The following PRKAR2B variants were observed in gnomAD, a reference collection of about 807,000 sequenced individuals.
The protein encoded by PRKAR2B is protein kinase cAMP-dependent type II regulatory subunit beta, also known as cAMP-dependent protein kinase type II-beta regulatory subunit.
PRKAR2B carries 14 observed loss-of-function variants against 49.9 expected under a neutral mutation model. The observed-to-expected ratio is 0.28, with a 90% confidence interval of 0.19 to 0.44. The LOEUF is 0.44. PRKAR2B is among the 20% of genes least tolerant of loss of function. The pLI, the probability that PRKAR2B is intolerant of heterozygous loss-of-function variation, is 1.00. For missense variants in PRKAR2B, 393 were observed against 537.9 expected, an observed-to-expected ratio of 0.73 and a Z score of 2.67; for synonymous variants, 196 against 197.7, an observed-to-expected ratio of 0.99 and a Z score of 0.07.
At chr7:107,090,782 C>T (rs1177702938) in intron 2 of PRKAR2B, among the ~76,000 whole-genome samples, 1 of 152,182 alleles carries the variant, frequency 6.6e-6, no homozygotes, top group African/African-American at 2.4e-5. Context: ...TTGGATGTGT[C>T]TTTTTCTGTT....
intron 2 of PRKAR2B, chr7:107,078,201 CAAAA>C (rs66861003): frequency 6.8e-5 from 8 of 117,000 alleles, no homozygotes; most frequent in African/African-American, 1.4e-4. Context: ...GATACTCCAT[CAAAA>C]AAAAAAAAAA....
chr7:107,094,241 T>C (rs1794792880), intron 2 of PRKAR2B, among the ~76,000 whole-genome samples: 1 of 152,212 alleles, frequency 6.6e-6, no homozygotes, highest in Non-Finnish European at 1.5e-5. Context: ...GTGGTTTTGA[T>C]TTGCATTTCT....
chr7:107,088,800 A>G (rs1794668239), intron 2 of PRKAR2B, among the ~76,000 whole-genome samples: 4 of 152,046 alleles, frequency 2.6e-5, no homozygotes, highest in Admixed American at 2.6e-4. Flanking sequence ...TGGTTTTGCC[A>G]TGTTGGCCAG....
intron 3 of PRKAR2B, among the ~76,000 whole-genome samples, chr7:107,123,605 T>G (rs1192127930): frequency 6.6e-6 from 1 of 152,208 alleles, no homozygotes; most frequent in Non-Finnish European, 1.5e-5. Flanking sequence ...CCCATCTCTA[T>G]TACTGTGTCT....
intron 1 of PRKAR2B, among the ~76,000 whole-genome samples, chr7:107,056,769 A>G (rs1297806143): frequency 3.9e-5 from 6 of 152,224 alleles, no homozygotes; most frequent in African/African-American, 1.4e-4. Flanking sequence ...GTTTTACATT[A>G]CTGTATTTTA....
intron 2 of PRKAR2B, among the ~76,000 whole-genome samples, chr7:107,111,596 A>G (rs904744097): frequency 6.6e-6 from 1 of 152,220 alleles, no homozygotes; most frequent in African/African-American, 2.4e-5. Context: ...CTGGTAATCC[A>G]GATAGTTCTT....
chr7:107,050,628 A>G (rs1475253173), intron 1 of PRKAR2B, among the ~76,000 whole-genome samples: 1 of 152,088 alleles, frequency 6.6e-6, no homozygotes, highest in Non-Finnish European at 1.5e-5. Context: ...AAAGTCCTAC[A>G]GTGGAGGTTG....
At chr7:107,133,255 A>G (rs1795633658) in intron 4 of PRKAR2B, among the ~76,000 whole-genome samples, 1 of 152,172 alleles carries the variant, frequency 6.6e-6, no homozygotes. Context: ...TTTTATCAGG[A>G]ATTGCCTTTT....
chr7:107,087,368 A>G (rs1184737471), intron 2 of PRKAR2B, among the ~76,000 whole-genome samples: 4 of 152,198 alleles, frequency 2.6e-5, no homozygotes, highest in African/African-American at 9.7e-5. Flanking sequence ...CTTGGGTTCC[A>G]TTTTGCATAC....
In PRKAR2B at chr7:107,106,577, C is replaced by T. The variant is rs1329899517; in HGVS notation, c.344-15375C>T. Among the ~76,000 whole-genome samples, 4 of 152,200 alleles carry T rather than the reference C, an allele frequency of 2.6e-5. No individual in the cohort carries two copies. The East Asian group carries it at 5.8e-4, about 22-fold the overall frequency. On this transcript the variant is annotated intron_variant, in intron 2 of 10. Coordinates refer to ENST00000265717, the MANE Select transcript of PRKAR2B (RefSeq NM_002736.3). ...ATAGAAAAAGGTACATGTTTGTGGA[C>T]TCTCCCTCCATCTCCATCAGCTACC...
chr7:107,071,243 C>G (rs903757810), intron 2 of PRKAR2B, among the ~76,000 whole-genome samples: 2 of 152,070 alleles, frequency 1.3e-5, no homozygotes, highest in African/African-American at 4.8e-5. Context: ...ACAAATGGGT[C>G]ATTTATTTCA....
chr7:107,079,420 A>T (rs1168698960), intron 2 of PRKAR2B: 1 of 151,946 alleles, frequency 6.6e-6, no homozygotes, highest in African/African-American at 2.4e-5. Context: ...AAGATTGCAC[A>T]TTTATCTAAA....
chr7:107,065,785 G>C (rs1453225681), intron 1 of PRKAR2B, among the ~76,000 whole-genome samples: 1 of 152,206 alleles, frequency 6.6e-6, no homozygotes, highest in African/African-American at 2.4e-5. Context: ...CAGGCACTGT[G>C]ATAGGCATTG....
chr7:107,065,286 GT>G (rs550872230), intron 1 of PRKAR2B, among the ~76,000 whole-genome samples: 172 of 150,932 alleles, frequency 1.1e-3, no homozygotes, highest in African/African-American at 3.8e-3. Context: ...AGATAGGGTA[GT>G]TTGTTTTTTA....
At chr7:107,082,919 G>C (rs1280250619) in intron 2 of PRKAR2B, among the ~76,000 whole-genome samples, 1 of 152,072 alleles carries the variant, frequency 6.6e-6, no homozygotes, top group African/African-American at 2.4e-5. Flanking sequence ...TTTTAGAAGG[G>C]ATCTTGGTGT....
intron 2 of PRKAR2B, among the ~76,000 whole-genome samples, chr7:107,081,411 C>G (rs893921603): frequency 6.6e-6 from 1 of 150,860 alleles, no homozygotes; most frequent in African/African-American, 2.4e-5. Flanking sequence ...CTCCCACCCC[C>G]ACCCCATCAG....
intron 2 of PRKAR2B, among the ~76,000 whole-genome samples, chr7:107,074,423 A>G (rs557405795): frequency 6.6e-6 from 1 of 152,066 alleles, no homozygotes; most frequent in Non-Finnish European, 1.5e-5. Context: ...ATTTTACAAT[A>G]TGGGCTTTTT....
At chr7:107,110,112 G>GAA (rs1562860109) in intron 2 of PRKAR2B, among the ~76,000 whole-genome samples, 1 of 152,198 alleles carries the variant, frequency 6.6e-6, no homozygotes, top group African/African-American at 2.4e-5. Context: ...GGGAGACAGA[G>GAA]AGAGTGTAGC....
chr7:107,097,438 C>G (rs1011664951), intron 2 of PRKAR2B, among the ~76,000 whole-genome samples: 2 of 152,126 alleles, frequency 1.3e-5, no homozygotes, highest in Non-Finnish European at 2.9e-5. Flanking sequence ...ATACAGGACA[C>G]TGATGAATCT....
Sources: gnomAD v4.1 joint callset for allele counts (sites outside exome capture counted in the v4.1 genomes callset) on GRCh38, gnomAD v4.1.1 for gene constraint, MANE v1.5 for transcripts, NCBI Gene and HGNC (gene_info 2026-07-23, HGNC 2026-07-21) for gene names.